The following CNTNAP2 variants were observed in gnomAD, a reference collection of about 807,000 sequenced individuals.
CNTNAP2 encodes the protein contactin-associated protein-like 2.
A neutral mutation model predicts 155.2 loss-of-function variants in CNTNAP2; 98 were observed. The ratio of observed to expected loss-of-function variants is 0.63; its 90% CI spans 0.54 to 0.75. The LOEUF (loss-of-function observed/expected upper bound fraction) is 0.75. CNTNAP2 is among the 30% of genes least tolerant of loss of function. CNTNAP2 has a pLI of 0.00. For synonymous variants in CNTNAP2, 651 were observed against 631.2 expected (o/e 1.03, Z -0.47); for missense variants, 1,727 against 1,688.1 (o/e 1.02, Z -0.40).
At chr7:147,195,416 T>C (rs1802770556) in intron 8 of CNTNAP2, among the ~76,000 whole-genome samples, 2 of 152,194 alleles carry the variant, frequency 1.3e-5, no homozygotes, top group South Asian at 4.1e-4. Flanking sequence ...TCTTCTTTGA[T>C]TCCATATGAA....
chr7:146,601,371 G>A (rs1373198118), intron 1 of CNTNAP2, among the ~76,000 whole-genome samples: 3 of 152,020 alleles, frequency 2.0e-5, no homozygotes, highest in Non-Finnish European at 4.4e-5. Context: ...AGTGAAAATG[G>A]CTATTTTGTC....
At chr7:146,557,510 T>C (rs1798214839) in intron 1 of CNTNAP2, among the ~76,000 whole-genome samples, 1 of 152,052 alleles carries the variant, frequency 6.6e-6, no homozygotes, top group Non-Finnish European at 1.5e-5. Flanking sequence ...CAAACTTCTT[T>C]GGTAAAATGT....
chr7:147,396,294 G>T (rs2116455712), intron 10 of CNTNAP2, among the ~76,000 whole-genome samples: 1 of 151,628 alleles, frequency 6.6e-6, no homozygotes, highest in East Asian at 1.9e-4. Flanking sequence ...CAGCAGTGTG[G>T]CAGAGAAACT....
chr7:147,902,856 T>G (rs1799895653), intron 13 of CNTNAP2, among the ~76,000 whole-genome samples: 1 of 63,376 alleles, frequency 1.6e-5, no homozygotes, highest in African/African-American at 5.5e-5. Context: ...GAGAAACAGT[T>G]TATTTATCCA....
intron 15 of CNTNAP2, among the ~76,000 whole-genome samples, chr7:148,113,440 C>T (rs1804399436): frequency 6.6e-6 from 1 of 152,192 alleles, no homozygotes. Flanking sequence ...GATCCAATCA[C>T]CTCCCACCAG....
At chr7:147,303,788 G>C (rs918332524) in intron 9 of CNTNAP2, among the ~76,000 whole-genome samples, 1 of 152,204 alleles carries the variant, frequency 6.6e-6, no homozygotes, top group Non-Finnish European at 1.5e-5. Flanking sequence ...AATGCTGACT[G>C]ACTTTCCAAT....
At chr7:147,602,079 T>A (rs1800958598) in intron 12 of CNTNAP2, among the ~76,000 whole-genome samples, 1 of 152,110 alleles carries the variant, frequency 6.6e-6, no homozygotes. Context: ...AAATGTCTAC[T>A]TGTCGTTCTT....
At chr7:146,774,698 A>G (rs1802357240) in intron 2 of CNTNAP2, among the ~76,000 whole-genome samples, 1 of 152,164 alleles carries the variant, frequency 6.6e-6, no homozygotes, top group South Asian at 2.1e-4. Flanking sequence ...AATCATTTAG[A>G]AAGATGTAAA....
chr7:147,491,548 G>A (rs1798609576), intron 11 of CNTNAP2, among the ~76,000 whole-genome samples: 2 of 152,076 alleles, frequency 1.3e-5, no homozygotes, highest in Admixed American at 6.5e-5. Flanking sequence ...TCCTCCACTG[G>A]TCTCTGCATC....
At chr7:148,288,944 C>CA (rs58641348) in intron 21 of CNTNAP2, among the ~76,000 whole-genome samples, 1,798 of 101,538 alleles carry the variant, frequency 0.018, 24 homozygotes, top group African/African-American at 0.053. Flanking sequence ...TCTTATTCAG[C>CA]AAAAAAAAAA....
intron 1 of CNTNAP2, among the ~76,000 whole-genome samples, chr7:146,695,308 AT>A (rs1310689894): frequency 6.6e-6 from 1 of 152,084 alleles, no homozygotes; most frequent in South Asian, 2.1e-4. Flanking sequence ...TGTGTGTTGG[AT>A]TTTGTCAAAT....
chr7:147,077,775 C>T (rs1800025171), intron 4 of CNTNAP2, among the ~76,000 whole-genome samples: 1 of 152,080 alleles, frequency 6.6e-6, no homozygotes, highest in Non-Finnish European at 1.5e-5. Flanking sequence ...ATAGTACCCT[C>T]ATAATAGGGT....
At chr7:148,406,171 G>A (rs942268901) in intron 22 of CNTNAP2, among the ~76,000 whole-genome samples, 2 of 152,022 alleles carry the variant, frequency 1.3e-5, no homozygotes, top group African/African-American at 2.4e-5. Context: ...GGCAGAGCTT[G>A]CAGTGAGCTG....
rs115104398 is a variant in CNTNAP2 at position 146,799,575 on chromosome 7, C to T, written c.208+25194C>T. Among the ~76,000 whole-genome samples, 873 of 152,218 alleles carry T rather than the reference C, an allele frequency of 5.7e-3. 9 individuals carry two copies. Among genetic ancestry groups the T allele is most frequent in the African/African-American group, 0.02 (833 of 41,536 alleles). ...GAAATTTTCCAAAGAGCTTGAGTAG[C>T]GCTAAGATTGGTCATTTTCAAGCAT... On this transcript the variant is annotated intron_variant, in intron 2 of 23. Transcript: ENST00000361727.
intron 21 of CNTNAP2, among the ~76,000 whole-genome samples, chr7:148,334,238 G>A (rs962975771): frequency 1.3e-5 from 2 of 152,098 alleles, no homozygotes; most frequent in African/African-American, 4.8e-5. Flanking sequence ...GGTTCGAGGA[G>A]GCTGTTTTCA....
intron 13 of CNTNAP2, among the ~76,000 whole-genome samples, chr7:147,868,363 C>T (rs1799268499): frequency 6.6e-6 from 1 of 152,116 alleles, no homozygotes; most frequent in South Asian, 2.1e-4. Context: ...GGGGTGCCTG[C>T]CTATATGAGG....
intron 3 of CNTNAP2, among the ~76,000 whole-genome samples, chr7:146,951,595 C>T (rs755546295): frequency 9.9e-5 from 15 of 151,786 alleles, no homozygotes; most frequent in African/African-American, 1.7e-4. Flanking sequence ...GTCAAAGATC[C>T]GATGGTTGTA....
At chr7:147,954,034 A>G (rs1483690293) in intron 14 of CNTNAP2, among the ~76,000 whole-genome samples, 1 of 152,192 alleles carries the variant, frequency 6.6e-6, no homozygotes, top group African/African-American at 2.4e-5. Context: ...TACATGAAAA[A>G]GAACCTAAGT....
intron 1 of CNTNAP2, among the ~76,000 whole-genome samples, chr7:146,554,927 A>G (rs1798175187): frequency 6.6e-6 from 1 of 152,214 alleles, no homozygotes; most frequent in African/African-American, 2.4e-5. Flanking sequence ...TTTCTCACTG[A>G]ACCTCATAAT....
Sources: gnomAD v4.1 joint callset for allele counts (sites outside exome capture counted in the v4.1 genomes callset) on GRCh38, gnomAD v4.1.1 for gene constraint, MANE v1.5 for transcripts, NCBI Gene and HGNC (gene_info 2026-07-23, HGNC 2026-07-21) for gene names.